WDR12: variants seen among roughly 807,000 people sequenced by gnomAD.
WDR12 encodes the protein ribosome biogenesis protein WDR12.
In WDR12, 42 loss-of-function variants were observed where a neutral mutation model predicts 64.3. The observed-to-expected ratio is 0.65, with a 90% confidence interval of 0.51 to 0.84. The LOEUF is 0.84. Among genes scored for constraint, WDR12 ranks in the 40% least tolerant of loss-of-function variants. The pLI is 0.00. For synonymous variants in WDR12, 158 were observed against 173.3 expected, an observed-to-expected ratio of 0.91 and a Z score of 0.70; for missense variants, 469 against 494.6, an observed-to-expected ratio of 0.95 and a Z score of 0.49.
rs140901219 is a variant in WDR12 at position 202,874,650 on chromosome 2, T to G, written c.*6210A>C. The G allele has an allele frequency of 6.6e-6, 1 of 152,210 alleles. No individual in the cohort carries two copies. The highest frequency in any genetic ancestry group is 2.4e-5 in the African/African-American group (1 of 41,458). 9.4% of individuals were successfully genotyped at this position (152,210 alleles called of 1,614,324 possible). On this transcript the variant is annotated 3_prime_UTR_variant, in exon 13 of 13. Transcript: ENST00000261015. Reference sequence around the variant, plus strand: ...GCTCTATTTCTTCAAGGCATTCCAGTTTCTTTGTAATCTGTTGGATTTTAC... The same window carrying G: ...GCTCTATTTCTTCAAGGCATTCCAGGTTCTTTGTAATCTGTTGGATTTTAC...
In WDR12 at chr2:202,884,960, C is replaced by G. The variant is rs559056821; in HGVS notation, c.742-425G>C. ...ACTGATGGATACAGTTTCTCCCCCC[C>G]TCTTTTCTTCTTGCCTGTAGTTCTC... On this transcript the variant is annotated intron_variant, in intron 8 of 12. Transcript: ENST00000261015. 8.5e-5 allele frequency among the ~76,000 whole-genome samples: 13 copies of G among 152,318 alleles called. No individual in the cohort carries two copies. In the South Asian group the frequency reaches 1.4e-3, roughly 17 times the overall value.
chr2:202,908,738 T>G (rs1005164907), intron 1 of WDR12, among the ~76,000 whole-genome samples: 1 of 152,186 alleles, frequency 6.6e-6, no homozygotes, highest in Non-Finnish European at 1.5e-5. Flanking sequence ...TTTAGTTAGA[T>G]CTTTCTGGCT....
chr2:202,879,039 AT>A lies in WDR12; in HGVS notation c.*1820del, dbSNP rs953208616. On this transcript the variant is annotated 3_prime_UTR_variant, in exon 13 of 13. Coordinates refer to ENST00000261015, the MANE Select transcript of WDR12 (RefSeq NM_018256.4). ...AAAACTGTATGCAATGCAATTTTTT[AT>A]TTTTTTTTGAGACAGAGTCTTGCTC... 12 of 151,268 alleles carry A rather than the reference AT, an allele frequency of 7.9e-5. No homozygotes were observed. Among genetic ancestry groups the A allele is most frequent in the African/African-American group, 1.7e-4 (7 of 41,318 alleles). 9.4% of individuals were successfully genotyped at this position (151,268 alleles called of 1,614,324 possible). A position where few individuals can be genotyped will look rare whatever the true frequency, so the allele number is the denominator to read the frequency against.
chr2:202,882,412 T>G (rs1687970733), intron 12 of WDR12, among the ~76,000 whole-genome samples: 1 of 151,994 alleles, frequency 6.6e-6, no homozygotes, highest in Non-Finnish European at 1.5e-5. Flanking sequence ...CACTGCAAGC[T>G]CCGCCTCCTT....
chr2:202,893,099 T>TA (rs966136890), intron 7 of WDR12, among the ~76,000 whole-genome samples: 2 of 152,126 alleles, frequency 1.3e-5, no homozygotes, highest in Admixed American at 1.3e-4. Context: ...CACATACATT[T>TA]CAGCCATGTT....
intron 2 of WDR12, among the ~76,000 whole-genome samples, chr2:202,904,546 A>G (rs531381186): frequency 6.6e-6 from 1 of 152,282 alleles, no homozygotes; most frequent in African/African-American, 2.4e-5. Context: ...ACACATCTAC[A>G]GTGAACTCAA....
intron 7 of WDR12, among the ~76,000 whole-genome samples, chr2:202,893,007 GCTTA>G (rs967279792): frequency 4.6e-5 from 7 of 152,010 alleles, no homozygotes; most frequent in African/African-American, 1.7e-4. Flanking sequence ...ATGAAAAATT[GCTTA>G]CTGTTAGTTG....
chr2:202,893,756 T>TCTC (rs1331426708), intron 7 of WDR12, among the ~76,000 whole-genome samples: 1 of 152,164 alleles, frequency 6.6e-6, no homozygotes, highest in Non-Finnish European at 1.5e-5. Context: ...CCTCTTTTCT[T>TCTC]CTCATCAGTG....
chr2:202,890,800 T>C (rs1340145981), intron 8 of WDR12, among the ~76,000 whole-genome samples: 1 of 148,588 alleles, frequency 6.7e-6, no homozygotes, highest in South Asian at 2.1e-4. Flanking sequence ...TTTTTTTCAT[T>C]GAGCAACATT....
chr2:202,884,685 G>T, intron 8 of WDR12, 150 bp from the exon 9 acceptor site: 1 of 886,564 alleles, frequency 1.1e-6, no homozygotes, highest in Admixed American at 3.0e-5. Context: ...CAATGGAATG[G>T]ATATTTCTGT....
chr2:202,911,490 C>T lies in WDR12; in HGVS notation c.-14G>A. ...GAGCTGAGCCATGGCGAGGAGTACA[C>T]ACGACTTGCCCACGGAAACGTACGG... On this transcript the variant is annotated 5_prime_UTR_variant, in exon 1 of 13. The change creates a new upstream start codon in the 5' untranslated region. Coordinates refer to ENST00000261015, the MANE Select transcript of WDR12 (RefSeq NM_018256.4). 1 of 1,613,870 alleles carries T rather than the reference C, an allele frequency of 6.2e-7. No individual in the cohort carries two copies. The highest frequency in any genetic ancestry group is 8.5e-7 in the Non-Finnish European group (1 of 1,179,776).
chr2:202,893,273 G>A (rs1280559810), intron 7 of WDR12, among the ~76,000 whole-genome samples: 2 of 151,854 alleles, frequency 1.3e-5, no homozygotes, highest in Non-Finnish European at 2.9e-5. Context: ...GTTATATATA[G>A]TAACATGCAT....
chr2:202,882,776 C>A lies in WDR12; in HGVS notation c.1129G>T (p.Ala377Ser), dbSNP rs141746244. ...VKLWDTRSCK[A>S]PLYDLAAHED... Reference sequence around the variant, plus strand: ...TGAGCAGCCAGATCATAGAGAGGAGCCTTACAACTAAAAGATGAAAATATT... The same window carrying A: ...TGAGCAGCCAGATCATAGAGAGGAGACTTACAACTAAAAGATGAAAATATT... The change falls in exon 12 of 13, where the codon GCT (alanine) becomes TCT (serine). Residue 377 changes from alanine to serine, a missense_variant. By Grantham distance (99) the Ala-to-Ser change is moderately conservative. Coordinates refer to ENST00000261015, the MANE Select transcript of WDR12 (RefSeq NM_018256.4). 45 of 1,613,754 alleles carry A rather than the reference C, an allele frequency of 2.8e-5. No individual in the cohort carries two copies. In the African/African-American group the frequency reaches 3.3e-4, roughly 12 times the overall value.
chr2:202,890,546 G>A (rs1688136602), intron 8 of WDR12, among the ~76,000 whole-genome samples: 1 of 152,104 alleles, frequency 6.6e-6, no homozygotes, highest in Admixed American at 6.5e-5. Flanking sequence ...GAGGCGGGTG[G>A]ATCACGAGGT....
chr2:202,896,064 C>T lies in WDR12; in HGVS notation c.609+1G>A, dbSNP rs779984457. The stretch of plus-strand genomic sequence containing the variant: ...GTACTAATAATATTCTAGCTACTTA[C>T]TTTAGTTCCTGAGCCATCAACAGCT... On this transcript the variant is annotated splice_donor_variant, in intron 6 of 12. Transcript: ENST00000261015. LOFTEE classifies it high-confidence loss of function. 1 of 1,609,752 alleles carries T rather than the reference C, an allele frequency of 6.2e-7. No individual in the cohort carries two copies. Among genetic ancestry groups the T allele is most frequent in the Non-Finnish European group, 8.5e-7 (1 of 1,178,924 alleles).
chr2:202,908,109 G>T, intron 1 of WDR12, 150 bp from the exon 2 acceptor site: 1 of 717,120 alleles, frequency 1.4e-6, no homozygotes. Context: ...ATTAAAACAT[G>T]GTCTCTGTTC....
intron 6 of WDR12, 38 bp downstream of exon 6, chr2:202,896,027 A>C (rs2105908100): frequency 6.3e-7 from 1 of 1,588,188 alleles, no homozygotes; most frequent in African/African-American, 1.4e-5. Flanking sequence ...GCTCAAATTC[A>C]AATTTAACAG....
In WDR12 at chr2:202,877,464, A is replaced by G. The variant is rs1172446660; in HGVS notation, c.*3396T>C. 2.0e-5 allele frequency: 3 copies of G among 152,112 alleles called. No individual in the cohort carries two copies. Among genetic ancestry groups the G allele is most frequent in the East Asian group, 1.9e-4 (1 of 5,196 alleles). 9.4% of individuals were successfully genotyped at this position (152,112 alleles called of 1,614,324 possible). A position where few individuals can be genotyped will look rare whatever the true frequency, so the allele number is the denominator to read the frequency against. The stretch of plus-strand genomic sequence containing the variant: ...GGAGTTCAAGACCAGCATGGGCTAC[A>G]TGGCGAAACCCTCTCTCTACAAAAA... On this transcript the variant is annotated 3_prime_UTR_variant, in exon 13 of 13. Coordinates refer to ENST00000261015, the MANE Select transcript of WDR12 (RefSeq NM_018256.4).
chr2:202,894,183 C>T (rs1688200649), intron 7 of WDR12, among the ~76,000 whole-genome samples: 1 of 149,698 alleles, frequency 6.7e-6, no homozygotes, highest in African/African-American at 2.4e-5. Flanking sequence ...CTTTTTATGG[C>T]AAAATATGGG....
Sources: gnomAD v4.1 joint callset for allele counts (sites outside exome capture counted in the v4.1 genomes callset) on GRCh38, gnomAD v4.1.1 for gene constraint, MANE v1.5 for transcripts, NCBI Gene and HGNC (gene_info 2026-07-23, HGNC 2026-07-21) for gene names.